Variants in FBXL2 observed in about 807,000 individuals in gnomAD.
FBXL2 encodes the protein F-box/LRR-repeat protein 2.
A neutral mutation model predicts 69.2 loss-of-function variants in FBXL2; 38 were observed. The observed-to-expected ratio is 0.55, with a 90% CI of 0.42 to 0.72. The LOEUF is 0.72. FBXL2 is among the 30% of genes least tolerant of loss of function. The pLI, the probability that FBXL2 is intolerant of heterozygous loss-of-function variation, is 0.00. For missense variants in FBXL2, 354 were observed against 520.3 expected (o/e 0.68, Z 3.11); for synonymous variants, 192 against 201.3 (o/e 0.95, Z 0.39).
chr3:33,351,095 AT>A, intron 2 of FBXL2, among the ~76,000 whole-genome samples: 1 of 152,180 alleles, frequency 6.6e-6, no homozygotes, highest in South Asian at 2.1e-4. Flanking sequence ...GTGAAACCCT[AT>A]CTCTACCAAA....
downstream of FBXL2, chr3:33,390,424 T>G: frequency 6.3e-7 from 1 of 1,596,972 alleles, no homozygotes; most frequent in Non-Finnish European, 8.6e-7. Context: ...ATTAAGCCTA[T>G]TAAATGGAAA....
rs373263400 is a variant in FBXL2, at chr3:33,359,323, G to A, written c.161G>A (p.Arg54Lys). Residue 54 changes from arginine (R) to lysine (K), a missense_variant, in exon 4 of 15, where the codon AGA becomes AAA. Physicochemically the swap from Arg to Lys is conservative, Grantham distance 26. Coordinates refer to ENST00000484457, the MANE Select transcript of FBXL2 (RefSeq NM_012157.5). ...ILALDGSNWQ[R>K]IDLFNFQTDV... is the part of the protein sequence containing the mutation. Reference sequence around the variant, plus strand: ...GCCCTGGATGGAAGCAACTGGCAAAGAATAGATCTTTTTAACTTTCAAACA... The same window carrying A: ...GCCCTGGATGGAAGCAACTGGCAAAAAATAGATCTTTTTAACTTTCAAACA... The A allele has an allele frequency of 2.5e-6, 4 of 1,611,988 alleles. No homozygotes were observed. Among genetic ancestry groups the A allele is most frequent in the Non-Finnish European group, 3.4e-6 (4 of 1,178,672 alleles).
intron 2 of FBXL2, among the ~76,000 whole-genome samples, chr3:33,331,324 A>G (rs772417382): frequency 6.6e-6 from 1 of 152,158 alleles, no homozygotes; most frequent in Non-Finnish European, 1.5e-5. Flanking sequence ...CATTCCAGTT[A>G]CAGGTATCCT....
At chr3:33,324,664 A>C (rs940143535) in intron 2 of FBXL2, among the ~76,000 whole-genome samples, 2 of 151,918 alleles carry the variant, frequency 1.3e-5, no homozygotes, top group Admixed American at 6.6e-5. Context: ...TGGTCTATAT[A>C]TCTGTTTTGG....
chr3:33,277,787 G>A (rs1263994763), intron 1 of FBXL2, among the ~76,000 whole-genome samples: 1 of 152,118 alleles, frequency 6.6e-6, no homozygotes, highest in African/African-American at 2.4e-5. Context: ...CACCCAGTGG[G>A]CCGCCGGACG....
the FBXL2 span, among the ~76,000 whole-genome samples, chr3:33,410,409 G>C: frequency 6.6e-6 from 1 of 152,166 alleles, no homozygotes; most frequent in African/African-American, 2.4e-5. Flanking sequence ...TACATAACTA[G>C]TTGCCTTATA....
chr3:33,419,488 C>T, the FBXL2 span, among the ~76,000 whole-genome samples: 1 of 152,026 alleles, frequency 6.6e-6, no homozygotes, highest in Admixed American at 6.6e-5. Context: ...ACTAGCTGGG[C>T]GTGGTGGCAG....
chr3:33,303,207 A>G, intron 2 of FBXL2: 1 of 456,012 alleles, frequency 2.2e-6, no homozygotes, highest in South Asian at 1.6e-5. Context: ...AAATTTAAGC[A>G]TCTATGCAGA....
chr3:33,279,988 G>A (rs1187081956), intron 1 of FBXL2, among the ~76,000 whole-genome samples: 1 of 152,100 alleles, frequency 6.6e-6, no homozygotes, highest in Non-Finnish European at 1.5e-5. Context: ...ATCTTTATAT[G>A]TTTCCTCATA....
chr3:33,345,656 A>G (rs1464747862), intron 2 of FBXL2, among the ~76,000 whole-genome samples: 1 of 152,228 alleles, frequency 6.6e-6, no homozygotes, highest in Non-Finnish European at 1.5e-5. Context: ...TCTAAGTCAT[A>G]AAACACTCAA....
chr3:33,400,256 C>T, intron 12 of FBXL2: 2 of 1,600,828 alleles, frequency 1.2e-6, no homozygotes, highest in South Asian at 1.1e-5. Flanking sequence ...GCTGTGTTTC[C>T]TGGATCGTAG....
chr3:33,381,839 T>C (rs2043087406), intron 13 of FBXL2, among the ~76,000 whole-genome samples: 1 of 152,226 alleles, frequency 6.6e-6, no homozygotes. Flanking sequence ...ACATAAATAC[T>C]ATTTGATGTA....
rs1255324897 is a variant in FBXL2 at position 33,374,883 on chromosome 3, GA to G, written c.658-402del. On this transcript the variant is annotated intron_variant, in intron 9 of 14. Coordinates refer to ENST00000484457, the MANE Select transcript of FBXL2 (RefSeq NM_012157.5). ...TAAATATCTAAAGCATTAATCTGCA[GA>G]AATCCAATCAAATATTAATGTCAGT... Among the ~76,000 whole-genome samples, 3 of 152,022 alleles carry G rather than the reference GA, an allele frequency of 2.0e-5. No individual in the cohort carries two copies. In the East Asian group the frequency reaches 5.8e-4, roughly 29 times the overall value.
chr3:33,401,266 T>G (rs190569475), intron 12 of FBXL2, among the ~76,000 whole-genome samples: 419 of 152,260 alleles, frequency 2.8e-3, no homozygotes, highest in Admixed American at 7.8e-3. Context: ...AAATTCAAGT[T>G]TTGTGAAACA....
At chr3:33,315,890 T>C (rs1224596073) in intron 2 of FBXL2, among the ~76,000 whole-genome samples, 2 of 152,138 alleles carry the variant, frequency 1.3e-5, no homozygotes, top group Admixed American at 1.3e-4. Context: ...TTAATGGAGA[T>C]GTAAGTGAGG....
intron 2 of FBXL2, among the ~76,000 whole-genome samples, chr3:33,340,827 G>T (rs1164198038): frequency 6.7e-6 from 1 of 149,344 alleles, no homozygotes; most frequent in Non-Finnish European, 1.5e-5. Context: ...GGGAGATGGA[G>T]GTTGCAGTGA....
the FBXL2 span, among the ~76,000 whole-genome samples, chr3:33,417,292 C>G: frequency 6.6e-6 from 1 of 151,960 alleles, no homozygotes; most frequent in South Asian, 2.1e-4. Flanking sequence ...ATCCCTCCCC[C>G]ACCCCCCACC....
intron 5 of FBXL2, among the ~76,000 whole-genome samples, chr3:33,369,355 A>ATT (rs2042150258): frequency 6.6e-6 from 1 of 151,398 alleles, no homozygotes; most frequent in African/African-American, 2.4e-5. Flanking sequence ...CCTGGCCGAG[A>ATT]TTAAGTGTTT....
intron 2 of FBXL2, among the ~76,000 whole-genome samples, chr3:33,299,965 A>G (rs2036119621): frequency 6.6e-6 from 1 of 152,304 alleles, no homozygotes; most frequent in East Asian, 1.9e-4. Flanking sequence ...TGCCATCCAC[A>G]TTGACTACAG....
Sources: allele counts gnomAD v4.1 joint callset (sites outside exome capture counted in the v4.1 genomes callset), GRCh38; gene constraint gnomAD v4.1.1; transcripts MANE v1.5; gene names NCBI Gene and HGNC (gene_info 2026-07-23, HGNC 2026-07-21).